NFE2L2: variants seen among roughly 807,000 people sequenced by gnomAD.
NFE2L2 encodes the protein NFE2 like bZIP transcription factor 2.
In NFE2L2, 20 loss-of-function variants were observed where a neutral mutation model predicts 49.6. That is an observed-to-expected ratio of 0.40 (90% CI 0.28 to 0.59). The LOEUF (loss-of-function observed/expected upper bound fraction) is 0.59. NFE2L2 is among the 20% of genes least tolerant of loss of function. The pLI is 0.40. For missense variants in NFE2L2, 578 were observed against 714.2 expected (o/e 0.81, Z 2.17); for synonymous variants, 244 against 256.5 (o/e 0.95, Z 0.47).
intron 1 of NFE2L2, among the ~76,000 whole-genome samples, chr2:177,235,387 T>C (rs1013917000): frequency 6.6e-6 from 1 of 150,444 alleles, no homozygotes; most frequent in Non-Finnish European, 1.5e-5. Flanking sequence ...CAGTGAGCTA[T>C]GATCGTGTCA....
At chr2:177,247,662 A>G (rs1690180879) in intron 1 of NFE2L2, among the ~76,000 whole-genome samples, 1 of 149,840 alleles carries the variant, frequency 6.7e-6, no homozygotes. Flanking sequence ...GGGCAACAAG[A>G]GCAAAACTCT....
chr2:177,239,030 T>C (rs969258141), intron 1 of NFE2L2, among the ~76,000 whole-genome samples: 3 of 152,216 alleles, frequency 2.0e-5, no homozygotes, highest in African/African-American at 7.2e-5. Context: ...CAATTCCTGC[T>C]GTGAGTACCC....
chr2:177,248,702 T>C (rs931067449), intron 1 of NFE2L2, among the ~76,000 whole-genome samples: 2 of 152,176 alleles, frequency 1.3e-5, no homozygotes, highest in Non-Finnish European at 2.9e-5. Flanking sequence ...AGCCACCGCC[T>C]CTGGCCTCTG....
At chr2:177,252,963 A>G (rs928716243) in intron 1 of NFE2L2, among the ~76,000 whole-genome samples, 1 of 152,128 alleles carries the variant, frequency 6.6e-6, no homozygotes, top group East Asian at 1.9e-4. Flanking sequence ...CCTTTCCAGA[A>G]TCTTCTTCCA....
chr2:177,258,985 CAA>C (rs1690629817), intron 1 of NFE2L2, among the ~76,000 whole-genome samples: 1 of 152,140 alleles, frequency 6.6e-6, no homozygotes, highest in Non-Finnish European at 1.5e-5. Context: ...TAATGACTCT[CAA>C]GAGTCAATTA....
intron 1 of NFE2L2, chr2:177,263,505 GC>G: frequency 1.0e-6 from 1 of 985,520 alleles, no homozygotes; most frequent in Non-Finnish European, 1.2e-6. Context: ...AATAGCAATT[GC>G]GCAACAGATC....
chr2:177,233,955 G>A (rs1317173926), intron 2 of NFE2L2, 50 bp downstream of exon 2: 6 of 1,603,180 alleles, frequency 3.7e-6, no homozygotes, highest in Non-Finnish European at 5.1e-6. Context: ...TCCTTGCTCA[G>A]TGTTTCCTTA....
At chr2:177,259,917 G>A (rs1690668704) in intron 1 of NFE2L2, among the ~76,000 whole-genome samples, 1 of 151,920 alleles carries the variant, frequency 6.6e-6, no homozygotes, top group Non-Finnish European at 1.5e-5. Flanking sequence ...GGGCGACAGA[G>A]CAAGACTGCG....
At chr2:177,250,889 C>T (rs539371159) in intron 1 of NFE2L2, among the ~76,000 whole-genome samples, 2 of 152,270 alleles carry the variant, frequency 1.3e-5, no homozygotes, top group South Asian at 2.1e-4. Flanking sequence ...CCAGCCCTTA[C>T]GGAAAAGTTT....
chr2:177,257,940 G>A (rs1690587484), intron 1 of NFE2L2, among the ~76,000 whole-genome samples: 1 of 152,166 alleles, frequency 6.6e-6, no homozygotes, highest in Non-Finnish European at 1.5e-5. Context: ...ACTAGTCCCT[G>A]GTGCTAAAAA....
In NFE2L2 at chr2:177,259,315, G is replaced by A. The variant is rs774470014; in HGVS notation, c.45+5217C>T. Among the ~76,000 whole-genome samples, 6 of 151,672 alleles carry A rather than the reference G, an allele frequency of 4.0e-5. No homozygotes were observed. In the East Asian group the frequency reaches 5.8e-4, roughly 15 times the overall value. On this transcript the variant is annotated intron_variant, in intron 1 of 4. Transcript: ENST00000397062. ...AGACTCTGTCTCAAAAAAAAAAGAC[G>A]AACTTGGTGCTGTAAGTCCTACTTA...
In NFE2L2 at chr2:177,233,989, ACTGAGTACT is replaced by A. The variant is rs750586427; in HGVS notation, c.312+7_312+15del. On this transcript the variant is annotated splice_region_variant and intron_variant, in intron 2 of 4. Transcript: ENST00000397062. Reference sequence around the variant, plus strand: ...TAAACCTGCCATAACTTTCCCAAGAACTGAGTACTCTGTACCTGGGAGTAGTTGGCAGAT... The same window carrying A: ...TAAACCTGCCATAACTTTCCCAAGAACTGTACCTGGGAGTAGTTGGCAGAT... 6.2e-7 allele frequency: 1 copy of A among 1,613,982 alleles called. No individual in the cohort carries two copies. The highest frequency in any genetic ancestry group is 8.5e-7 in the Non-Finnish European group (1 of 1,179,986).
At chr2:177,254,486 G>A (rs895121055) in intron 1 of NFE2L2, among the ~76,000 whole-genome samples, 4 of 152,178 alleles carry the variant, frequency 2.6e-5, no homozygotes, top group African/African-American at 9.7e-5. Flanking sequence ...ATGCACCACC[G>A]TGCTTCCACT....
In NFE2L2 at chr2:177,256,296, G is replaced by A. The variant is rs530982969; in HGVS notation, c.45+8236C>T. Among the ~76,000 whole-genome samples, 3 of 152,170 alleles carry A rather than the reference G, an allele frequency of 2.0e-5. No individual in the cohort carries two copies. The East Asian group carries it at 5.8e-4, about 29-fold the overall frequency. On this transcript the variant is annotated intron_variant, in intron 1 of 4. Transcript: ENST00000397062. ...GTCCCTCAGGCAGGGAATAGGTTGG[G>A]TTTTACATCCATGTGCAGTATTATA...
chr2:177,242,910 G>T lies in NFE2L2; in HGVS notation c.46-8639C>A, dbSNP rs367780071. Among the ~76,000 whole-genome samples the T allele has an allele frequency of 6.4e-3, 918 of 142,442 alleles. 10 individuals are homozygous for T. The highest frequency in any genetic ancestry group is 0.022 in the African/African-American group (862 of 38,822). The allele number at this position is 142,442 out of a possible 152,430, so 93.4% of individuals were successfully genotyped here. A position where few individuals can be genotyped will look rare whatever the true frequency, so the allele number is the denominator to read the frequency against. On this transcript the variant is annotated intron_variant, in intron 1 of 4. Coordinates refer to ENST00000397062, the MANE Select transcript of NFE2L2 (RefSeq NM_006164.5). Reference sequence around the variant, plus strand: ...CCCAAGGAGGTTTTGTTTTTTTTTTGTTTTTTTTTTGGTGGTTTGTGTTTG... The same window carrying T: ...CCCAAGGAGGTTTTGTTTTTTTTTTTTTTTTTTTTTGGTGGTTTGTGTTTG...
chr2:177,257,118 A>C (rs1046256264), intron 1 of NFE2L2, among the ~76,000 whole-genome samples: 9 of 152,254 alleles, frequency 5.9e-5, no homozygotes, highest in Admixed American at 4.6e-4. Flanking sequence ...AGAACCAAAA[A>C]ATGAAGTTGC....
rs542616002 is a variant in NFE2L2, at chr2:177,263,763, G to A, written c.45+769C>T. 891 of 985,484 alleles carry A rather than the reference G, an allele frequency of 9.0e-4. 4 individuals carry two copies. In the African/African-American group the frequency reaches 0.015, roughly 16 times the overall value. The allele number at this position is 985,484 out of a possible 1,614,324, so 61.0% of individuals were successfully genotyped here. Reference sequence around the variant, plus strand: ...CGCGGCGTTACGAGGGGCCAACTCCGGGTGCCCGAGCCCGAACCCCTCCCC... The same window carrying A: ...CGCGGCGTTACGAGGGGCCAACTCCAGGTGCCCGAGCCCGAACCCCTCCCC... On this transcript the variant is annotated intron_variant, in intron 1 of 4. Coordinates refer to ENST00000397062, the MANE Select transcript of NFE2L2 (RefSeq NM_006164.5).
At chr2:177,235,707 G>T (rs1047383764) in intron 1 of NFE2L2, among the ~76,000 whole-genome samples, 1 of 151,896 alleles carries the variant, frequency 6.6e-6, no homozygotes, top group African/African-American at 2.4e-5. Flanking sequence ...CGAGCCTGTA[G>T]TCCCAACTAT....
chr2:177,231,481 A>C lies in NFE2L2; in HGVS notation c.1122T>G (p.Ser374Arg), dbSNP rs1377954624. 1 of 1,614,248 alleles carries C rather than the reference A, an allele frequency of 6.2e-7. No homozygotes were observed. Among genetic ancestry groups the C allele is most frequent in the Admixed American group, 1.7e-5 (1 of 60,028 alleles). ...SSYGDTLLGL[S>R]DSEVEELDSA... is the part of the protein sequence containing the mutation. Reference sequence around the variant, plus strand: ...TATCTAGCTCTTCCACTTCAGAATCACTGAGGCCAAGTAGTGTGTCTCCAT... The same window carrying C: ...TATCTAGCTCTTCCACTTCAGAATCCCTGAGGCCAAGTAGTGTGTCTCCAT... Residue 374 changes from serine to arginine, a missense_variant, in exon 5 of 5, where the codon AGT becomes AGG. Physicochemically the swap from Ser to Arg is moderately radical, Grantham distance 110. Coordinates refer to ENST00000397062, the MANE Select transcript of NFE2L2 (RefSeq NM_006164.5).
Sources: allele counts gnomAD v4.1 joint callset (sites outside exome capture counted in the v4.1 genomes callset), GRCh38; gene constraint gnomAD v4.1.1; transcripts MANE v1.5; gene names NCBI Gene and HGNC (gene_info 2026-07-23, HGNC 2026-07-21).